Variants in ZNF280D observed in about 807,000 individuals in gnomAD.
The protein encoded by ZNF280D is suppressor of hairy wing homolog 4.
A neutral mutation model predicts 94.7 loss-of-function variants in ZNF280D; 39 were observed. The ratio of observed to expected loss-of-function variants is 0.41; its 90% confidence interval spans 0.32 to 0.54. The LOEUF is 0.54. ZNF280D is among the 20% of genes least tolerant of loss of function. The pLI is 0.22. For missense variants in ZNF280D, 1,090 were observed against 1,149.3 expected, an observed-to-expected ratio of 0.95 and a Z score of 0.75; for synonymous variants, 398 against 377.6, an observed-to-expected ratio of 1.05 and a Z score of -0.63.
intron 19 of ZNF280D, among the ~76,000 whole-genome samples, chr15:56,646,773 G>A (rs2052913614): frequency 1.3e-5 from 2 of 152,176 alleles, no homozygotes; most frequent in South Asian, 4.1e-4. Flanking sequence ...AGACATCTTT[G>A]TTCAGAGACC....
At position 56,669,974 on chromosome 15, in the gene ZNF280D, A is replaced by ATTAT. The variant is rs1230973169; in HGVS notation, c.1411-1018_1411-1017insATAA. Among the ~76,000 whole-genome samples the ATTAT allele has an allele frequency of 5.1e-3, 4 of 782 alleles. 1 individual carries two copies. The highest frequency in any genetic ancestry group is 6.0e-3 in the African/African-American group (2 of 336). The allele number at this position is 782 out of a possible 152,430, so 0.5% of individuals were successfully genotyped here. On this transcript the variant is annotated intron_variant, in intron 13 of 21. Transcript: ENST00000267807. ...TTATATATATATATTATATATATAT[A>ATTAT]ATATATATATTATATATATATATTA...
chr15:56,698,449 T>C (rs1378571763), intron 6 of ZNF280D: 2 of 152,220 alleles, frequency 1.3e-5, no homozygotes, highest in African/African-American at 4.8e-5. Flanking sequence ...AATATTACTA[T>C]CAATTATTTT....
intron 1 of ZNF280D, chr15:56,725,018 A>G: frequency 2.8e-6 from 1 of 351,332 alleles, no homozygotes; most frequent in South Asian, 2.3e-5. Context: ...GAGCAAGTAA[A>G]AAAAGCAAGA....
intron 3 of ZNF280D, 122 bp from the exon 4 acceptor site, chr15:56,704,389 ATATTTG>A (rs2141223643): frequency 2.1e-6 from 2 of 939,562 alleles, no homozygotes; most frequent in East Asian, 5.4e-5. Context: ...TTCTGAATTG[ATATTTG>A]TAGTCAGTAT....
intron 9 of ZNF280D, among the ~76,000 whole-genome samples, chr15:56,683,591 T>C (rs1461650583): frequency 6.6e-6 from 1 of 152,214 alleles, no homozygotes; most frequent in Non-Finnish European, 1.5e-5. Flanking sequence ...CATCTATCTA[T>C]CATTCTTATC....
chr15:56,679,668 A>G (rs1372193853), intron 10 of ZNF280D, among the ~76,000 whole-genome samples: 2 of 152,176 alleles, frequency 1.3e-5, no homozygotes, highest in African/African-American at 4.8e-5. Context: ...CAAAAACAAT[A>G]ATTTTTAGAC....
chr15:56,719,358 A>AG (rs2058217352), intron 1 of ZNF280D, among the ~76,000 whole-genome samples: 1 of 31,326 alleles, frequency 3.2e-5, no homozygotes, highest in Non-Finnish European at 1.1e-4. Flanking sequence ...ACAAAAAACC[A>AG]AAAAAAAAGC....
intron 20 of ZNF280D, among the ~76,000 whole-genome samples, chr15:56,642,481 C>A (rs2052676112): frequency 6.6e-6 from 1 of 151,744 alleles, no homozygotes; most frequent in Admixed American, 6.6e-5. Flanking sequence ...CGGTAAATAA[C>A]ATTTATATGA....
chr15:56,700,420 A>G, intron 6 of ZNF280D: 4 of 699,848 alleles, frequency 5.7e-6, no homozygotes, highest in Non-Finnish European at 7.1e-6. Context: ...AAACACTTAT[A>G]CATATTAACA....
At chr15:56,655,974 C>T (rs2053526580) in intron 17 of ZNF280D, among the ~76,000 whole-genome samples, 1 of 152,130 alleles carries the variant, frequency 6.6e-6, no homozygotes, top group African/African-American at 2.4e-5. Context: ...TAGAATGCCC[C>T]GTGCCTCTTC....
chr15:56,630,847 T>C lies in ZNF280D; in HGVS notation c.*651A>G, dbSNP rs1290032127. The C allele has an allele frequency of 6.6e-6, 1 of 152,230 alleles. No homozygotes were observed. The highest frequency in any genetic ancestry group is 1.5e-5 in the Non-Finnish European group (1 of 68,032). 9.4% of individuals were successfully genotyped at this position (152,230 alleles called of 1,614,324 possible). A position where few individuals can be genotyped will look rare whatever the true frequency, so the allele number is the denominator to read the frequency against. On this transcript the variant is annotated 3_prime_UTR_variant, in exon 22 of 22. Coordinates refer to ENST00000267807, the MANE Select transcript of ZNF280D (RefSeq NM_017661.4). ...GTTTAATTAAGGTAAGCTTACAGCC[T>C]GGCAGGCTAACACTTGTATGGAGGT...
At chr15:56,642,115 GA>G (rs1330531004) in intron 20 of ZNF280D, among the ~76,000 whole-genome samples, 17 of 151,408 alleles carry the variant, frequency 1.1e-4, no homozygotes, top group African/African-American at 4.1e-4. Context: ...TAGGTAAAAT[GA>G]ACCCATTCCT....
rs1483085035 is a variant in ZNF280D at position 56,630,475 on chromosome 15, T to C, written c.*1023A>G. The C allele has an allele frequency of 6.6e-6, 1 of 152,172 alleles. No homozygotes were observed. The highest frequency in any genetic ancestry group is 1.5e-5 in the Non-Finnish European group (1 of 67,988). 9.4% of individuals were successfully genotyped at this position (152,172 alleles called of 1,614,324 possible). On this transcript the variant is annotated 3_prime_UTR_variant, in exon 22 of 22. Transcript: ENST00000267807. ...AATTAGGCTAAATTTCCAAAACCAGTTCTTTTACATCACTGTTTTAGGTCC... is the reference window on the plus strand; with the variant it reads ...AATTAGGCTAAATTTCCAAAACCAGCTCTTTTACATCACTGTTTTAGGTCC...
At chr15:56,685,124 T>C (rs1414577995) in intron 9 of ZNF280D, among the ~76,000 whole-genome samples, 1 of 152,166 alleles carries the variant, frequency 6.6e-6, no homozygotes, top group Non-Finnish European at 1.5e-5. Flanking sequence ...TACTTTATAT[T>C]AGATCAAACT....
intron 14 of ZNF280D, chr15:56,668,148 T>C: frequency 2.2e-6 from 1 of 455,024 alleles, no homozygotes; most frequent in Non-Finnish European, 4.4e-6. Flanking sequence ...CAAAGGAAAG[T>C]ACCCAAAGCC....
intron 9 of ZNF280D, among the ~76,000 whole-genome samples, chr15:56,685,334 A>C (rs71478606): frequency 0.047 from 6,530 of 139,392 alleles, 214 homozygotes; most frequent in Non-Finnish European, 0.074. Flanking sequence ...AATATGACAT[A>C]AGGTAAAAAA....
chr15:56,728,008 G>C (rs1217466207), intron 1 of ZNF280D, among the ~76,000 whole-genome samples: 1 of 151,844 alleles, frequency 6.6e-6, no homozygotes, highest in Non-Finnish European at 1.5e-5. Flanking sequence ...TCCTTTACAA[G>C]TGTGTGCTAA....
In ZNF280D at chr15:56,666,879, A is replaced by G; in HGVS notation, c.1653T>C (p.Asn551=). 6.2e-7 allele frequency: 1 copy of G among 1,613,876 alleles called. No individual in the cohort carries two copies. Among genetic ancestry groups the G allele is most frequent in the Non-Finnish European group, 8.5e-7 (1 of 1,179,908 alleles). Residue 551 remains asparagine (N), a synonymous_variant, in exon 15 of 22, where the codon AAT becomes AAC. Transcript: ENST00000267807. ...ATTTTGCAGGATTTTTAGCAGTTAT[A>G]TTTTTAGTCCTTGGAGGTGAGAGCT... ...TLQLSPPRTK[N]ITAKNPAKSN... is the part of the protein sequence containing the mutation.
chr15:56,723,916 C>T (rs1242276008), intron 1 of ZNF280D, among the ~76,000 whole-genome samples: 1 of 152,148 alleles, frequency 6.6e-6, no homozygotes, highest in East Asian at 1.9e-4. Flanking sequence ...GTCTAACTTA[C>T]CTTAAACGTG....
Sources: allele counts gnomAD v4.1 joint callset (sites outside exome capture counted in the v4.1 genomes callset), GRCh38; gene constraint gnomAD v4.1.1; transcripts MANE v1.5; gene names NCBI Gene and HGNC (gene_info 2026-07-23, HGNC 2026-07-21).